The following NAE1 variants were observed in gnomAD, a reference collection of about 807,000 sequenced individuals.
The protein encoded by NAE1 is NEDD8-activating enzyme E1 regulatory subunit.
NAE1 carries 59 observed loss-of-function variants against 88.0 expected under a neutral mutation model. That is an observed-to-expected ratio of 0.67 (90% CI 0.54 to 0.83). The LOEUF is 0.83. Among genes scored for constraint, NAE1 ranks in the 40% least tolerant of loss-of-function variants. The pLI is 0.00. For missense variants in NAE1, 554 were observed against 632.8 expected, an observed-to-expected ratio of 0.88 and a Z score of 1.34; for synonymous variants, 186 against 208.9, an observed-to-expected ratio of 0.89 and a Z score of 0.95.
intron 1 of NAE1, 84 bp downstream of exon 1, chr16:66,830,763 G>T: frequency 7.4e-7 from 1 of 1,350,338 alleles, no homozygotes; most frequent in South Asian, 1.3e-5. Flanking sequence ...AGGAAGGCCC[G>T]ACCGCGCCGC....
Position 66,802,915 on chromosome 16 carries a change from A to G in NAE1, c.*94T>C. On this transcript the variant is annotated 3_prime_UTR_variant, in exon 20 of 20. Transcript: ENST00000290810. The stretch of plus-strand genomic sequence containing the variant: ...AAAATGTTTATTAAGAAAACAATTT[A>G]GCAGCTCTCCTTTAGAATTTTACAG... 1 of 756,424 alleles carries G rather than the reference A, an allele frequency of 1.3e-6. No individual in the cohort carries two copies. Among genetic ancestry groups the G allele is most frequent in the Non-Finnish European group, 2.3e-6 (1 of 439,672 alleles). 46.9% of individuals were successfully genotyped at this position (756,424 alleles called of 1,614,324 possible).
intron 7 of NAE1, among the ~76,000 whole-genome samples, chr16:66,819,120 A>C (rs1482805901): frequency 6.6e-6 from 1 of 152,224 alleles, no homozygotes; most frequent in Non-Finnish European, 1.5e-5. Flanking sequence ...AGAAATCTTA[A>C]GTCAACTATA....
intron 11 of NAE1, among the ~76,000 whole-genome samples, chr16:66,815,828 A>AT (rs371301175): frequency 9.9e-5 from 15 of 151,086 alleles, no homozygotes; most frequent in Middle Eastern, 3.5e-3. Flanking sequence ...TGCCCAGCTA[A>AT]TTTTTTGTAT....
chr16:66,813,560 A>G lies in NAE1; in HGVS notation c.1034+4T>C, dbSNP rs529542146. On this transcript the variant is annotated splice_donor_region_variant and intron_variant, in intron 13 of 19. Transcript: ENST00000290810. ...TATTACATAGTTTGAAAACAGTGAC[A>G]TACACGTTTTGCAGTTTTATATATT... 5.0e-6 allele frequency: 8 copies of G among 1,607,972 alleles called. No homozygotes were observed. In the East Asian group the frequency reaches 1.6e-4, roughly 31 times the overall value.
rs566143134 is a variant in NAE1, at chr16:66,810,864, G to A, written c.1035-92C>T. 29 of 1,094,736 alleles carry A rather than the reference G, an allele frequency of 2.6e-5. No individual in the cohort carries two copies. In the South Asian group the frequency reaches 3.4e-4, roughly 13 times the overall value. 67.8% of individuals were successfully genotyped at this position (1,094,736 alleles called of 1,614,324 possible). A position where few individuals can be genotyped will look rare whatever the true frequency, so the allele number is the denominator to read the frequency against. On this transcript the variant is annotated intron_variant, in intron 13 of 19. Transcript: ENST00000290810. ...AACAAAAATTTTCTTTCCTTTTCAT[G>A]AAAAAACACAGGTCTGACAATGTAT...
chr16:66,823,487 T>C, intron 5 of NAE1, 42 bp downstream of exon 5: 3 of 1,531,768 alleles, frequency 2.0e-6, no homozygotes, highest in African/African-American at 1.4e-5. Flanking sequence ...ATTTAAAAAA[T>C]TGTATTTCAG....
intron 19 of NAE1, 125 bp from the exon 20 acceptor site, chr16:66,803,243 G>A: frequency 3.2e-6 from 2 of 629,956 alleles, no homozygotes; most frequent in South Asian, 4.0e-5. Context: ...CAAAACAGAT[G>A]CAGTTAGCTT....
intron 13 of NAE1, among the ~76,000 whole-genome samples, chr16:66,812,766 G>A (rs1438327068): frequency 6.6e-6 from 1 of 150,938 alleles, no homozygotes; most frequent in Non-Finnish European, 1.5e-5. Context: ...TGATCCACCC[G>A]TCTCGGCCTC....
chr16:66,805,203 C>T (rs1272264345), intron 19 of NAE1, among the ~76,000 whole-genome samples: 1 of 152,056 alleles, frequency 6.6e-6, no homozygotes, highest in Non-Finnish European at 1.5e-5. Context: ...AAAACCAAGG[C>T]TGGAAAGGCC....
chr16:66,827,871 A>G, intron 1 of NAE1: 1 of 911,288 alleles, frequency 1.1e-6, no homozygotes, highest in Non-Finnish European at 1.7e-6. Flanking sequence ...TTTGTTTTTG[A>G]TACAGGGTCT....
At chr16:66,822,930 A>T (rs1407751228) in intron 6 of NAE1, among the ~76,000 whole-genome samples, 1 of 148,838 alleles carries the variant, frequency 6.7e-6, no homozygotes, top group Non-Finnish European at 1.5e-5. Context: ...GGCCTCCCAA[A>T]GTGCTGGGAT....
At chr16:66,805,866 A>G (rs1446907431) in intron 18 of NAE1, 40 bp from the exon 19 acceptor site, 6 of 1,590,614 alleles carry the variant, frequency 3.8e-6, no homozygotes, top group Non-Finnish European at 4.3e-6. Context: ...GATTAGCCTT[A>G]TGACAGGTGT....
intron 3 of NAE1, among the ~76,000 whole-genome samples, chr16:66,825,166 C>T (rs558867308): frequency 3.9e-4 from 60 of 152,062 alleles, no homozygotes; most frequent in Non-Finnish European, 7.6e-4. Flanking sequence ...TGGGAAACAC[C>T]GGCGGGTGTG....
chr16:66,823,424 TA>T, intron 5 of NAE1, 104 bp downstream of exon 5: 1 of 1,294,102 alleles, frequency 7.7e-7, no homozygotes, highest in African/African-American at 1.5e-5. Context: ...CCAATTCAAC[TA>T]ATCATAAATG....
At chr16:66,808,935 A>AT in intron 16 of NAE1, 54 bp downstream of exon 16, 1 of 1,215,346 alleles carries the variant, frequency 8.2e-7, no homozygotes, top group Non-Finnish European at 1.2e-6. Context: ...CAAAATATTT[A>AT]TATCTTTTAA....
intron 11 of NAE1, among the ~76,000 whole-genome samples, chr16:66,814,205 T>C (rs1959939452): frequency 6.6e-6 from 1 of 152,074 alleles, no homozygotes; most frequent in African/African-American, 2.4e-5. Context: ...TCTGAAACCC[T>C]TGCACCCTAA....
At chr16:66,827,203 A>C (rs1435150108) in intron 1 of NAE1, among the ~76,000 whole-genome samples, 3 of 151,914 alleles carry the variant, frequency 2.0e-5, no homozygotes, top group Non-Finnish European at 4.4e-5. Flanking sequence ...ATCTCAGCTC[A>C]CTTGGCCTCC....
At chr16:66,817,515 AT>A (rs2145334058) in intron 8 of NAE1, 28 bp from the exon 9 acceptor site, 1 of 1,451,584 alleles carries the variant, frequency 6.9e-7, no homozygotes, top group East Asian at 2.3e-5. Flanking sequence ...ATAAAAGAAA[AT>A]ATCAGTATTA....
chr16:66,808,859 G>A, intron 16 of NAE1, 130 bp downstream of exon 16: 1 of 646,922 alleles, frequency 1.5e-6, no homozygotes. Context: ...GATAAGCTTA[G>A]AATAAAATTA....
Sources: allele counts gnomAD v4.1 joint callset (sites outside exome capture counted in the v4.1 genomes callset), GRCh38; gene constraint gnomAD v4.1.1; transcripts MANE v1.5; gene names NCBI Gene and HGNC (gene_info 2026-07-23, HGNC 2026-07-21).